ALK: variants seen among roughly 807,000 people sequenced by gnomAD.
ALK encodes ALK receptor tyrosine kinase.
ALK carries 74 observed loss-of-function variants against 163.1 expected under a neutral mutation model. The ratio of observed to expected loss-of-function variants is 0.45; its 90% CI spans 0.38 to 0.55. The LOEUF is 0.55. ALK is among the 20% of genes least tolerant of loss of function. ALK has a pLI of 0.00. For missense variants in ALK, 2,063 were observed against 2,105.3 expected, an observed-to-expected ratio of 0.98 and a Z score of 0.39; for synonymous variants, 960 against 843.2, an observed-to-expected ratio of 1.14 and a Z score of -2.40.
At chr2:29,661,557 CA>C (rs1677345977) in intron 3 of ALK, among the ~76,000 whole-genome samples, 1 of 152,172 alleles carries the variant, frequency 6.6e-6, no homozygotes, top group Non-Finnish European at 1.5e-5. Flanking sequence ...TAGGTCTTAA[CA>C]GGTGATGTTC....
At chr2:29,477,326 TTTAC>T (rs1298149703) in intron 4 of ALK, among the ~76,000 whole-genome samples, 1 of 152,122 alleles carries the variant, frequency 6.6e-6, no homozygotes, top group Non-Finnish European at 1.5e-5. Flanking sequence ...CTGGGACACA[TTTAC>T]TTAAGCTTTC....
intron 3 of ALK, among the ~76,000 whole-genome samples, chr2:29,669,965 C>A (rs565901761): frequency 6.6e-6 from 1 of 151,980 alleles, no homozygotes. Context: ...TTTATATTAC[C>A]TATCTCTCAA....
intron 23 of ALK, among the ~76,000 whole-genome samples, chr2:29,219,685 G>A (rs565753610): frequency 6.6e-6 from 1 of 152,304 alleles, no homozygotes; most frequent in South Asian, 2.1e-4. Flanking sequence ...AGGGTGCTAT[G>A]TTTAATAATT....
chr2:29,882,949 C>T lies in ALK; in HGVS notation c.667+37044G>A, dbSNP rs941478316. Among the ~76,000 whole-genome samples, 9 of 152,096 alleles carry T rather than the reference C, an allele frequency of 5.9e-5. No homozygotes were observed. The East Asian group carries it at 1.3e-3, about 23-fold the overall frequency. ...TATTTGCTAAAGCTGGTCACTCTAC[C>T]TATTACTCTAATGTTTTTCCTTGGT... is the stretch of plus-strand genomic sequence containing the variant. On this transcript the variant is annotated intron_variant, in intron 1 of 28. Coordinates refer to ENST00000389048, the MANE Select transcript of ALK (RefSeq NM_004304.5).
At chr2:29,354,132 C>A (rs1056153345) in intron 5 of ALK, among the ~76,000 whole-genome samples, 1 of 152,148 alleles carries the variant, frequency 6.6e-6, no homozygotes, top group Admixed American at 6.5e-5. Context: ...AATTTCATTT[C>A]TTTGTCTTTA....
intron 9 of ALK, among the ~76,000 whole-genome samples, chr2:29,289,759 G>C (rs539033303): frequency 8.5e-5 from 13 of 152,288 alleles, no homozygotes; most frequent in African/African-American, 3.1e-4. Context: ...GAGTGGATGA[G>C]CAAATGCATG....
At chr2:29,862,020 C>A (rs979671380) in intron 1 of ALK, among the ~76,000 whole-genome samples, 2 of 152,048 alleles carry the variant, frequency 1.3e-5, no homozygotes, top group Non-Finnish European at 2.9e-5. Flanking sequence ...GAATAAAGGA[C>A]AAAAATCATA....
Position 29,444,711 on chromosome 2 carries a change from T to C in ALK, c.1155-60852A>G, listed in dbSNP as rs561249600. Reference sequence around the variant, plus strand: ...CCATTTTATTAAACTCAAAAGTTCATTTTTTTCTTCTGATTTTTCAAGAAA... The same window carrying C: ...CCATTTTATTAAACTCAAAAGTTCACTTTTTTCTTCTGATTTTTCAAGAAA... On this transcript the variant is annotated intron_variant, in intron 4 of 28. Transcript: ENST00000389048. Among the ~76,000 whole-genome samples, 12 of 152,306 alleles carry C rather than the reference T, an allele frequency of 7.9e-5. No individual in the cohort carries two copies. In the East Asian group the frequency reaches 2.1e-3, roughly 27 times the overall value.
chr2:29,313,270 G>A (rs1666741354), intron 8 of ALK, among the ~76,000 whole-genome samples: 1 of 152,182 alleles, frequency 6.6e-6, no homozygotes, highest in South Asian at 2.1e-4. Context: ...AGCCCATGAG[G>A]CCTCCTGGAA....
chr2:29,907,295 G>C (rs1667578199), intron 1 of ALK: 1 of 152,196 alleles, frequency 6.6e-6, no homozygotes, highest in Admixed American at 6.5e-5. Flanking sequence ...TAAGAGGTTT[G>C]CTATCATAAA....
At chr2:29,710,970 C>T (rs61058904) in intron 2 of ALK, among the ~76,000 whole-genome samples, 1 of 152,132 alleles carries the variant, frequency 6.6e-6, no homozygotes, top group African/African-American at 2.4e-5. Flanking sequence ...CCTCCTCCCT[C>T]TAGATGTCTT....
chr2:29,688,484 C>G (rs1371887098), intron 3 of ALK, among the ~76,000 whole-genome samples: 1 of 152,162 alleles, frequency 6.6e-6, no homozygotes, highest in East Asian at 1.9e-4. Flanking sequence ...GGTAGGAGTA[C>G]ATGCTCAAAA....
intron 3 of ALK, among the ~76,000 whole-genome samples, chr2:29,667,083 T>G (rs1387028711): frequency 6.6e-6 from 1 of 152,180 alleles, no homozygotes; most frequent in African/African-American, 2.4e-5. Context: ...CGTTATCCAT[T>G]GATGGGCACT....
rs531866799 is a variant in ALK, at chr2:29,247,171, C to G, written c.2204+3934G>C. Reference sequence around the variant, plus strand: ...CCCGGCCTCCGCGGCAGCGCCTTTCCCCCGGCCTCCGCGGCAGCGCCTTGT... The same window carrying G: ...CCCGGCCTCCGCGGCAGCGCCTTTCGCCCGGCCTCCGCGGCAGCGCCTTGT... On this transcript the variant is annotated intron_variant, in intron 12 of 28. Transcript: ENST00000389048. Among the ~76,000 whole-genome samples, 9 of 150,200 alleles carry G rather than the reference C, an allele frequency of 6.0e-5. 1 individual carries two copies. In the East Asian group the frequency reaches 1.8e-3, roughly 29 times the overall value.
At chr2:29,304,839 G>A (rs976252152) in intron 8 of ALK, among the ~76,000 whole-genome samples, 1 of 152,214 alleles carries the variant, frequency 6.6e-6, no homozygotes, top group African/African-American at 2.4e-5. Context: ...GGATTATGAA[G>A]TATGAGATGA....
chr2:29,261,007 C>G (rs1665075915), intron 11 of ALK, among the ~76,000 whole-genome samples: 2 of 152,186 alleles, frequency 1.3e-5, no homozygotes, highest in African/African-American at 4.8e-5. Context: ...TCCAAGTGGG[C>G]CCTTTCCTGC....
intron 4 of ALK, among the ~76,000 whole-genome samples, chr2:29,410,910 T>C (rs1368860708): frequency 6.6e-6 from 1 of 152,222 alleles, no homozygotes; most frequent in Non-Finnish European, 1.5e-5. Context: ...TCTTCAATAA[T>C]AGATTAGCCT....
chr2:29,354,822 A>G (rs945657957), intron 5 of ALK, among the ~76,000 whole-genome samples: 11 of 144,876 alleles, frequency 7.6e-5, no homozygotes, highest in Non-Finnish European at 4.5e-5. Context: ...GCTGGAGTGC[A>G]GTGGCACGAC....
chr2:29,672,445 C>G (rs1358414670), intron 3 of ALK, among the ~76,000 whole-genome samples: 1 of 110,338 alleles, frequency 9.1e-6, no homozygotes, highest in African/African-American at 3.5e-5. Context: ...TTTGTTCTTG[C>G]GATAGTTTAC....
Sources: gnomAD v4.1 joint callset for allele counts (sites outside exome capture counted in the v4.1 genomes callset) on GRCh38, gnomAD v4.1.1 for gene constraint, MANE v1.5 for transcripts, NCBI Gene and HGNC (gene_info 2026-07-23, HGNC 2026-07-21) for gene names.